Variants in PYGB observed in about 807,000 individuals in gnomAD.
The protein encoded by PYGB is glycogen phosphorylase, brain form.
In PYGB, 82 loss-of-function variants were observed where a neutral mutation model predicts 94.3. The observed-to-expected ratio is 0.87, with a 90% CI of 0.73 to 1.04. The LOEUF is 1.04. Ranked by LOEUF, PYGB falls within the 50% of genes least tolerant of loss-of-function variation. PYGB has a pLI of 0.00. For synonymous variants in PYGB, 488 were observed against 479.1 expected, an observed-to-expected ratio of 1.02 and a Z score of -0.24; for missense variants, 1,132 against 1,158.2, an observed-to-expected ratio of 0.98 and a Z score of 0.33.
At position 25,280,517 on chromosome 20, in the gene PYGB, C is replaced by T. The variant is rs569380171; in HGVS notation, c.1239+105C>T. 24 of 1,438,402 alleles carry T rather than the reference C, an allele frequency of 1.7e-5. No individual in the cohort carries two copies. The African/African-American group carries it at 2.4e-4, about 14-fold the overall frequency. 89.1% of individuals were successfully genotyped at this position (1,438,402 alleles called of 1,614,324 possible). On this transcript the variant is annotated intron_variant, in intron 10 of 19. Coordinates refer to ENST00000216962, the MANE Select transcript of PYGB (RefSeq NM_002862.4). ...GTGCTTTGCTCCTTGAACGAGGCAC[C>T]CTCTGTTCAGCAGAGGATGCTTGGG... is the stretch of plus-strand genomic sequence containing the variant.
rs754948533 is a variant in PYGB at position 25,248,133 on chromosome 20, C to T, written c.-46C>T. On this transcript the variant is annotated 5_prime_UTR_variant, in exon 1 of 20. Transcript: ENST00000216962. ...GCACCATCCCGGCGTTCGCGTGTGC[C>T]GCCGCTTTCCTCCTCCATCTCTTTT... 70 of 1,532,108 alleles carry T rather than the reference C, an allele frequency of 4.6e-5. No individual in the cohort carries two copies. The highest frequency in any genetic ancestry group is 5.5e-5 in the Non-Finnish European group (63 of 1,142,258). 94.9% of individuals were successfully genotyped at this position (1,532,108 alleles called of 1,614,324 possible). A position where few individuals can be genotyped will look rare whatever the true frequency, so the allele number is the denominator to read the frequency against.
At chr20:25,274,931 C>T (rs1363094561) in intron 5 of PYGB, among the ~76,000 whole-genome samples, 1 of 152,228 alleles carries the variant, frequency 6.6e-6, no homozygotes, top group African/African-American at 2.4e-5. Flanking sequence ...AAGCGCTGAG[C>T]ACAGCAGCGA....
Position 25,248,405 on chromosome 20 carries a change from A to G in PYGB, c.227A>G (p.Tyr76Cys). The change falls in exon 1 of 20, where the codon TAC (tyrosine) becomes TGC (cysteine). Residue 76 changes from tyrosine to cysteine, a missense_variant. Physicochemically the swap from Tyr to Cys is radical, Grantham distance 194. Coordinates refer to ENST00000216962, the MANE Select transcript of PYGB (RefSeq NM_002862.4). ...TGGATCCGCACGCAGCAGCACTACTACGAGCGCGACCCCAAGGTGAGGCGC... is the reference window on the plus strand; with the variant it reads ...TGGATCCGCACGCAGCAGCACTACTGCGAGCGCGACCCCAAGGTGAGGCGC... ...GRWIRTQQHY[Y>C]ERDPKRIYYL... The G allele has an allele frequency of 6.5e-7, 1 of 1,549,490 alleles. No individual in the cohort carries two copies. The highest frequency in any genetic ancestry group is 1.2e-5 in the South Asian group (1 of 85,394).
intron 1 of PYGB, among the ~76,000 whole-genome samples, chr20:25,256,106 G>A (rs2092901981): frequency 1.3e-5 from 2 of 152,242 alleles, no homozygotes; most frequent in South Asian, 4.1e-4. Flanking sequence ...AGACACTAAC[G>A]TTAAATGAAG....
chr20:25,278,957 G>T, intron 8 of PYGB, 100 bp from the exon 9 acceptor site: 2 of 1,167,824 alleles, frequency 1.7e-6, no homozygotes, highest in Non-Finnish European at 1.2e-6. Flanking sequence ...GGTGGGGTGG[G>T]CTGGGCTGGC....
chr20:25,249,625 A>T (rs2092881813), intron 1 of PYGB, among the ~76,000 whole-genome samples: 1 of 152,242 alleles, frequency 6.6e-6, no homozygotes, highest in Non-Finnish European at 1.5e-5. Flanking sequence ...TTCCAAACTT[A>T]TTCTGGGACA....
chr20:25,258,901 A>G (rs1313722020), intron 1 of PYGB, among the ~76,000 whole-genome samples: 1 of 152,260 alleles, frequency 6.6e-6, no homozygotes, highest in East Asian at 1.9e-4. Flanking sequence ...AGGCTGAGCT[A>G]AGTGCAGACC....
chr20:25,295,265 GCTCTC>G (rs1335301635), intron 18 of PYGB, among the ~76,000 whole-genome samples: 1 of 152,262 alleles, frequency 6.6e-6, no homozygotes, highest in African/African-American at 2.4e-5. Context: ...GGCGCCATGG[GCTCTC>G]CACTGTCTGC....
chr20:25,290,583 A>T lies in PYGB; in HGVS notation c.1930A>T (p.Ile644Phe). ...DPVVGDRLKVIFLENYRVSLA... is the reference protein window; with the variant it reads ...DPVVGDRLKVFFLENYRVSLA... ...AGTTGTGGGTGACAGGTTGAAAGTG[A>T]TCTTCCTGGAGAACTACCGTGTGTC... Residue 644 changes from isoleucine to phenylalanine, a missense_variant, in exon 16 of 20, where the codon ATC (isoleucine) becomes TTC (phenylalanine). Coordinates refer to ENST00000216962, the MANE Select transcript of PYGB (RefSeq NM_002862.4). 1.2e-6 allele frequency: 2 copies of T among 1,609,420 alleles called. No homozygotes were observed. The highest frequency in any genetic ancestry group is 1.7e-6 in the Non-Finnish European group (2 of 1,175,964).
At chr20:25,289,040 G>A (rs2088443107) in intron 15 of PYGB, among the ~76,000 whole-genome samples, 2 of 152,230 alleles carry the variant, frequency 1.3e-5, no homozygotes, top group Admixed American at 1.3e-4. Context: ...TGCTGGAGCA[G>A]TGGCCCTAAG....
chr20:25,270,465 G>T (rs916055077), intron 3 of PYGB, among the ~76,000 whole-genome samples: 12 of 152,038 alleles, frequency 7.9e-5, no homozygotes, highest in African/African-American at 2.9e-4. Context: ...GCCTCCTAAA[G>T]TGTTGGGATT....
intron 2 of PYGB, among the ~76,000 whole-genome samples, chr20:25,261,794 C>T (rs1437943166): frequency 6.6e-5 from 10 of 152,230 alleles, no homozygotes; most frequent in Non-Finnish European, 1.2e-4. Flanking sequence ...AATGACCTGA[C>T]GGAGCTGAAA....
At chr20:25,291,576 C>T (rs1178189021) in intron 16 of PYGB, among the ~76,000 whole-genome samples, 2 of 152,216 alleles carry the variant, frequency 1.3e-5, no homozygotes, top group Non-Finnish European at 2.9e-5. Flanking sequence ...TCCCTTGAGG[C>T]ACTCACGGGC....
intron 2 of PYGB, among the ~76,000 whole-genome samples, chr20:25,262,665 T>TAAA (rs879331202): frequency 4.7e-5 from 7 of 147,744 alleles, no homozygotes; most frequent in African/African-American, 1.6e-4. Flanking sequence ...ATGCTCCATT[T>TAAA]TGACTTGACT....
In PYGB at chr20:25,292,443, T is replaced by TGCAGGCACCGAGGCCTCAGGC. The variant is rs1219884068; in HGVS notation, c.2008_2028dup (p.Ala670_Gly676dup). The TGCAGGCACCGAGGCCTCAGGC allele has an allele frequency of 1.9e-6, 3 of 1,613,300 alleles. No individual in the cohort carries two copies. The highest frequency in any genetic ancestry group is 2.5e-6 in the Non-Finnish European group (3 of 1,179,980). The stretch of plus-strand genomic sequence containing the variant: ...CTGATCTGTCGCAGCAGATCTCCAC[T>TGCAGGCACCGAGGCCTCAGGC]GCAGGCACCGAGGCCTCAGGCACAG... On this transcript the variant is annotated inframe_insertion, in exon 17 of 20. Transcript: ENST00000216962.
chr20:25,275,563 A>C (rs374129547), intron 5 of PYGB, among the ~76,000 whole-genome samples: 2 of 152,216 alleles, frequency 1.3e-5, no homozygotes, highest in East Asian at 3.9e-4. Context: ...AATCAAATAC[A>C]TGGGCTTCGA....
At chr20:25,280,186 A>C in intron 9 of PYGB, 80 bp from the exon 10 acceptor site, 2 of 1,524,126 alleles carry the variant, frequency 1.3e-6, no homozygotes, top group Non-Finnish European at 1.8e-6. Context: ...GGGATCCTGG[A>C]CGCTCACCCT....
In PYGB at chr20:25,248,156, T is replaced by C; in HGVS notation, c.-23T>C. ...GCCGCCGCTTTCCTCCTCCATCTCT[T>C]TTCCTCCGCCTCCGCCGGCGCGATG... On this transcript the variant is annotated 5_prime_UTR_variant, in exon 1 of 20. Transcript: ENST00000216962. 1.3e-6 allele frequency: 2 copies of C among 1,575,968 alleles called. No homozygotes were observed. The highest frequency in any genetic ancestry group is 8.6e-7 in the Non-Finnish European group (1 of 1,162,214).
chr20:25,289,096 G>A (rs1249849203), intron 15 of PYGB, among the ~76,000 whole-genome samples: 3 of 152,162 alleles, frequency 2.0e-5, no homozygotes, highest in Admixed American at 1.3e-4. Context: ...CGGCAAGGCC[G>A]GGGCCTGGGG....
Sources: allele counts gnomAD v4.1 joint callset (sites outside exome capture counted in the v4.1 genomes callset), GRCh38; gene constraint gnomAD v4.1.1; transcripts MANE v1.5; gene names NCBI Gene and HGNC (gene_info 2026-07-23, HGNC 2026-07-21).